ZNF704: variants seen among roughly 807,000 people sequenced by gnomAD.
ZNF704 encodes the protein zinc finger protein 704, also known as glucocorticoid induced gene 1.
In ZNF704, 10 loss-of-function variants were observed where a neutral mutation model predicts 44.7. That is an observed-to-expected ratio of 0.22 (90% CI 0.14 to 0.38). ZNF704 has a LOEUF of 0.38. Among genes scored for constraint, ZNF704 ranks in the 10% least tolerant of loss-of-function variants. The pLI, the probability that ZNF704 is intolerant of heterozygous loss-of-function variation, is 1.00. For synonymous variants in ZNF704, 211 were observed against 207.6 expected (o/e 1.02, Z -0.14); for missense variants, 390 against 545.5 (o/e 0.71, Z 2.84).
chr8:80,635,982 A>T lies in ZNF704; in HGVS notation c.*5384T>A, dbSNP rs963112529. 2 of 152,242 alleles carry T rather than the reference A, an allele frequency of 1.3e-5. No individual in the cohort carries two copies. Among genetic ancestry groups the T allele is most frequent in the Admixed American group, 1.3e-4 (2 of 15,286 alleles). The allele number at this position is 152,242 out of a possible 1,614,324, so 9.4% of individuals were successfully genotyped here. ...CCTGCCTGGTAAAATACTATATTTT[A>T]AAAAATAAGCTACAATGTATAAAAC... On this transcript the variant is annotated 3_prime_UTR_variant, in exon 9 of 9. Coordinates refer to ENST00000327835, the MANE Select transcript of ZNF704 (RefSeq NM_001033723.3).
intron 2 of ZNF704, among the ~76,000 whole-genome samples, chr8:80,816,992 T>C (rs1389775283): frequency 6.6e-6 from 1 of 152,176 alleles, no homozygotes; most frequent in Non-Finnish European, 1.5e-5. Flanking sequence ...AGAGGTAGTT[T>C]GTATTCTGTC....
intron 1 of ZNF704, among the ~76,000 whole-genome samples, chr8:80,859,518 C>A (rs1173230796): frequency 6.6e-6 from 1 of 152,158 alleles, no homozygotes; most frequent in African/African-American, 2.4e-5. Flanking sequence ...ATTTGCTTAG[C>A]CTTAACCTGA....
rs76539809 is a variant in ZNF704 at position 80,813,242 on chromosome 8, T to G, written c.221+8132A>C. Among the ~76,000 whole-genome samples the G allele has an allele frequency of 3.6e-3, 541 of 152,344 alleles. 2 individuals carry two copies. The highest frequency in any genetic ancestry group is 0.013 in the African/African-American group (525 of 41,590). ...ATTTACTAATTATCCAAGGACTCTT[T>G]GGAAGTGATACTTGAAAATGCCCAA... On this transcript the variant is annotated intron_variant, in intron 2 of 8. Transcript: ENST00000327835.
At chr8:80,883,295 A>C in the ZNF704 span, among the ~76,000 whole-genome samples, 2 of 151,840 alleles carry the variant, frequency 1.3e-5, no homozygotes, top group Non-Finnish European at 2.9e-5. Context: ...TCAAATAATA[A>C]TTAGCATAAT....
chr8:80,829,924 T>G (rs900246012), intron 1 of ZNF704, among the ~76,000 whole-genome samples: 1 of 152,200 alleles, frequency 6.6e-6, no homozygotes, highest in Non-Finnish European at 1.5e-5. Flanking sequence ...TTGGACACTA[T>G]GAATCATGGG....
At position 80,637,427 on chromosome 8, in the gene ZNF704, T is replaced by G. The variant is rs1041786119; in HGVS notation, c.*3939A>C. 3 of 152,214 alleles carry G rather than the reference T, an allele frequency of 2.0e-5. No homozygotes were observed. The highest frequency in any genetic ancestry group is 7.2e-5 in the African/African-American group (3 of 41,444). The allele number at this position is 152,214 out of a possible 1,614,324, so 9.4% of individuals were successfully genotyped here. On this transcript the variant is annotated 3_prime_UTR_variant, in exon 9 of 9. Transcript: ENST00000327835. ...AACCTTTGCAAGTGAATGCTGCACTTTGGAGTCTGATGAAGGGGGAACATG... is the reference window on the plus strand; with the variant it reads ...AACCTTTGCAAGTGAATGCTGCACTGTGGAGTCTGATGAAGGGGGAACATG...
intron 2 of ZNF704, among the ~76,000 whole-genome samples, chr8:80,737,874 AT>A (rs1806691859): frequency 6.6e-6 from 1 of 152,144 alleles, no homozygotes; most frequent in African/African-American, 2.4e-5. Context: ...TCTAGACTGT[AT>A]TCAGATTCAC....
chr8:80,645,128 C>G (rs1346616532), intron 7 of ZNF704: 6 of 1,609,064 alleles, frequency 3.7e-6, no homozygotes, highest in South Asian at 1.1e-5. Flanking sequence ...ACTCAAACTC[C>G]TCGTCGTCGT....
chr8:80,663,521 G>A (rs1818135040), intron 6 of ZNF704, among the ~76,000 whole-genome samples: 1 of 152,096 alleles, frequency 6.6e-6, no homozygotes, highest in Non-Finnish European at 1.5e-5. Context: ...GTTGGTGGGG[G>A]GCACAGAGGA....
At chr8:80,757,839 G>A (rs1237536945) in intron 2 of ZNF704, among the ~76,000 whole-genome samples, 1 of 152,224 alleles carries the variant, frequency 6.6e-6, no homozygotes, top group Admixed American at 6.5e-5. Context: ...GGGAGCAACA[G>A]GCTAGACCAT....
chr8:80,721,677 T>A lies in ZNF704; in HGVS notation c.222-28570A>T, dbSNP rs540614670. The stretch of plus-strand genomic sequence containing the variant: ...ATTTATTATGCATTTGTAACCAAAT[T>A]GACTAGGCAGTTTTTGGATGTTCTA... On this transcript the variant is annotated intron_variant, in intron 2 of 8. Coordinates refer to ENST00000327835, the MANE Select transcript of ZNF704 (RefSeq NM_001033723.3). Among the ~76,000 whole-genome samples the A allele has an allele frequency of 9.2e-5, 14 of 152,306 alleles. No individual in the cohort carries two copies. In the South Asian group the frequency reaches 2.9e-3, roughly 32 times the overall value.
At chr8:80,693,200 A>T in intron 2 of ZNF704, 93 bp from the exon 3 acceptor site, 1 of 1,038,584 alleles carries the variant, frequency 9.6e-7, no homozygotes, top group Non-Finnish European at 1.5e-6. Context: ...TTACTCCATT[A>T]ACTTATCCCC....
At chr8:80,760,151 C>G (rs367795776) in intron 2 of ZNF704, among the ~76,000 whole-genome samples, 1 of 152,078 alleles carries the variant, frequency 6.6e-6, no homozygotes, top group Non-Finnish European at 1.5e-5. Context: ...ACAGATACTA[C>G]GAGAGAATAA....
At position 80,687,337 on chromosome 8, in the gene ZNF704, G is replaced by GAGC. The variant is rs750579885; in HGVS notation, c.444_446dup (p.Leu149dup). 1 of 1,610,728 alleles carries GAGC rather than the reference G, an allele frequency of 6.2e-7. No individual in the cohort carries two copies. Among genetic ancestry groups the GAGC allele is most frequent in the Non-Finnish European group, 8.5e-7 (1 of 1,179,730 alleles). Reference sequence around the variant, plus strand: ...GGAAGGGCTTGAAGCTGTCAGCCGAGAGCGGCGGCGACGGCGTGGACGGGT... The same window carrying GAGC: ...GGAAGGGCTTGAAGCTGTCAGCCGAGAGCAGCGGCGGCGACGGCGTGGACGGGT... On this transcript the variant is annotated inframe_insertion, in exon 4 of 9. Coordinates refer to ENST00000327835, the MANE Select transcript of ZNF704 (RefSeq NM_001033723.3).
At chr8:80,648,973 C>G (rs1025331478) in intron 7 of ZNF704, among the ~76,000 whole-genome samples, 26 of 152,128 alleles carry the variant, frequency 1.7e-4, no homozygotes, top group African/African-American at 6.3e-4. Context: ...AAATAAAGCC[C>G]TATAAAGCAA....
Position 80,874,164 on chromosome 8 carries a change from A to G in ZNF704, c.-22+407T>C, listed in dbSNP as rs1809315357. 6.9e-6 allele frequency among the ~76,000 whole-genome samples: 1 copy of G among 145,890 alleles called. No individual in the cohort carries two copies. The highest frequency in any genetic ancestry group is 6.8e-5 in the Admixed American group (1 of 14,742). On this transcript the variant is annotated intron_variant, in intron 1 of 8. Coordinates refer to ENST00000327835, the MANE Select transcript of ZNF704 (RefSeq NM_001033723.3). This position sits in a 1 kb window ranked among gnomAD's most constrained non-coding sequence, Gnocchi z 4.4. ...ACTCGCGGCCGCAAGGGGCTGCAGG[A>G]GCCGCCGGCCAGGACCCGCGGCTGC...
In ZNF704 at chr8:80,855,093, G is replaced by C. The variant is rs545332349; in HGVS notation, c.-22+19478C>G. On this transcript the variant is annotated intron_variant, in intron 1 of 8. Transcript: ENST00000327835. Reference sequence around the variant, plus strand: ...TGTTTGACTATTTCCTCACTAAATTGAATGTTCCAAAAGAACCACGCCTTT... The same window carrying C: ...TGTTTGACTATTTCCTCACTAAATTCAATGTTCCAAAAGAACCACGCCTTT... Among the ~76,000 whole-genome samples, 5 of 152,174 alleles carry C rather than the reference G, an allele frequency of 3.3e-5. No individual in the cohort carries two copies. In the South Asian group the frequency reaches 1.0e-3, roughly 32 times the overall value.
chr8:80,749,359 T>C (rs1020099920), intron 2 of ZNF704, among the ~76,000 whole-genome samples: 3 of 152,162 alleles, frequency 2.0e-5, no homozygotes, highest in South Asian at 2.1e-4. Context: ...TCTGTACTTG[T>C]ATACACAGGA....
chr8:80,684,335 G>A (rs948910387), intron 4 of ZNF704, among the ~76,000 whole-genome samples: 2 of 152,158 alleles, frequency 1.3e-5, no homozygotes, highest in Non-Finnish European at 2.9e-5. Context: ...AAACAAAATT[G>A]TCAAGAAACA....
Sources: gnomAD v4.1 joint callset for allele counts (sites outside exome capture counted in the v4.1 genomes callset) on GRCh38, gnomAD v4.1.1 for gene constraint, Gnocchi (gnomAD v3.1) non-coding constraint, MANE v1.5 for transcripts, NCBI Gene and HGNC (gene_info 2026-07-23, HGNC 2026-07-21) for gene names.